LRFN5: variants seen among roughly 807,000 people sequenced by gnomAD.
LRFN5 encodes the protein leucine-rich repeat and fibronectin type-III domain-containing protein 5.
Under a neutral mutation model 45.6 loss-of-function variants are expected in LRFN5, and 24 were observed. The observed-to-expected ratio is 0.53, with a 90% CI of 0.38 to 0.74. The LOEUF is 0.74. Among genes scored for constraint, LRFN5 ranks in the 30% least tolerant of loss-of-function variants. The probability of loss-of-function intolerance (pLI) is 0.00; values close to 1 mark genes in which losing one functional copy is unlikely to be tolerated. For missense variants in LRFN5, 776 were observed against 861.5 expected, an observed-to-expected ratio of 0.90 and a Z score of 1.24; for synonymous variants, 340 against 313.8, an observed-to-expected ratio of 1.08 and a Z score of -0.88.
At chr14:41,791,856 A>G (rs1441669850) in intron 2 of LRFN5, among the ~76,000 whole-genome samples, 1 of 152,132 alleles carries the variant, frequency 6.6e-6, no homozygotes, top group Non-Finnish European at 1.5e-5. Flanking sequence ...GAATGTCACT[A>G]TGAACTAAGA....
At chr14:41,658,815 A>T (rs1335513789) in intron 1 of LRFN5, among the ~76,000 whole-genome samples, 1 of 151,954 alleles carries the variant, frequency 6.6e-6, no homozygotes, top group Non-Finnish European at 1.5e-5. Context: ...ATATATTTTA[A>T]TATGTGTAAT....
At chr14:41,656,110 C>A (rs1880367800) in intron 1 of LRFN5, among the ~76,000 whole-genome samples, 1 of 151,862 alleles carries the variant, frequency 6.6e-6, no homozygotes. Context: ...AGTGCCATTG[C>A]CTTGGACTGA....
At chr14:41,618,217 T>C (rs956136885) in intron 1 of LRFN5, among the ~76,000 whole-genome samples, 4 of 152,224 alleles carry the variant, frequency 2.6e-5, no homozygotes, top group Non-Finnish European at 5.9e-5. Context: ...TTTTCCTATC[T>C]GTAAGCTACG....
At chr14:41,809,697 A>T (rs1371982712) in intron 2 of LRFN5, among the ~76,000 whole-genome samples, 2 of 151,492 alleles carry the variant, frequency 1.3e-5, no homozygotes, top group African/African-American at 4.8e-5. Flanking sequence ...TATATTTAAT[A>T]TTTATTCTTT....
At chr14:41,768,135 G>T (rs1434755121) in intron 2 of LRFN5, among the ~76,000 whole-genome samples, 2 of 151,952 alleles carry the variant, frequency 1.3e-5, no homozygotes, top group African/African-American at 4.8e-5. Flanking sequence ...CTTTTATTTT[G>T]CGACATATTA....
chr14:41,872,071 A>G (rs181584899), intron 2 of LRFN5, among the ~76,000 whole-genome samples: 1 of 152,336 alleles, frequency 6.6e-6, no homozygotes, highest in East Asian at 1.9e-4. Flanking sequence ...TGCTTCAGAG[A>G]CTGAATGAAC....
At chr14:41,901,744 G>C (rs536397493) in intron 5 of LRFN5, among the ~76,000 whole-genome samples, 2 of 152,078 alleles carry the variant, frequency 1.3e-5, no homozygotes, top group South Asian at 4.1e-4. Context: ...AAGAGCCAAA[G>C]AGAAAAGCAA....
intron 2 of LRFN5, among the ~76,000 whole-genome samples, chr14:41,779,563 C>T (rs1013999320): frequency 6.6e-6 from 1 of 151,824 alleles, no homozygotes; most frequent in African/African-American, 2.4e-5. Context: ...TTTCCCCTTA[C>T]GTGTTTTGTA....
At chr14:41,889,000 C>CAT (rs1165571599) in intron 3 of LRFN5, among the ~76,000 whole-genome samples, 2 of 88,972 alleles carry the variant, frequency 2.2e-5, no homozygotes, top group Non-Finnish European at 5.3e-5. Context: ...TGTATGTATA[C>CAT]ACATATATAT....
intron 1 of LRFN5, among the ~76,000 whole-genome samples, chr14:41,696,858 G>A (rs960992545): frequency 6.6e-6 from 1 of 151,848 alleles, no homozygotes; most frequent in African/African-American, 2.4e-5. Context: ...TAGGCCATTT[G>A]TATGTGAAAT....
chr14:41,881,779 T>G (rs1322440047), intron 2 of LRFN5, among the ~76,000 whole-genome samples: 1 of 152,204 alleles, frequency 6.6e-6, no homozygotes, highest in Non-Finnish European at 1.5e-5. Context: ...TGCCCAATCT[T>G]CTGTTACAAA....
intron 3 of LRFN5, among the ~76,000 whole-genome samples, chr14:41,890,567 C>T (rs1399358284): frequency 6.6e-6 from 1 of 151,742 alleles, no homozygotes; most frequent in South Asian, 2.1e-4. Flanking sequence ...ATTAGCCGGG[C>T]GTGGTGGCGG....
intron 1 of LRFN5, among the ~76,000 whole-genome samples, chr14:41,738,931 A>T (rs188015928): frequency 6.6e-6 from 1 of 152,364 alleles, no homozygotes; most frequent in African/African-American, 2.4e-5. Context: ...AGAACAGTTC[A>T]TCTAACAGCA....
At chr14:41,718,889 G>A (rs1044373019) in intron 1 of LRFN5, among the ~76,000 whole-genome samples, 5 of 139,146 alleles carry the variant, frequency 3.6e-5, no homozygotes, top group Non-Finnish European at 7.6e-5. Context: ...TTCATAGTTA[G>A]AAAGAGGCAT....
chr14:41,618,448 A>C (rs1887995455), intron 1 of LRFN5, among the ~76,000 whole-genome samples: 1 of 152,210 alleles, frequency 6.6e-6, no homozygotes, highest in Non-Finnish European at 1.5e-5. Context: ...TTATGTGAAG[A>C]AACATGGATT....
At chr14:41,821,888 G>A (rs972525720) in intron 2 of LRFN5, among the ~76,000 whole-genome samples, 2 of 151,744 alleles carry the variant, frequency 1.3e-5, no homozygotes, top group African/African-American at 4.8e-5. Flanking sequence ...TTCAGTCCTG[G>A]GAGGTTGGAT....
intron 2 of LRFN5, among the ~76,000 whole-genome samples, chr14:41,833,380 A>T (rs774679429): frequency 6.6e-6 from 1 of 152,208 alleles, no homozygotes; most frequent in Non-Finnish European, 1.5e-5. Context: ...AGGTCTAGCC[A>T]CATCCGCCTT....
At chr14:41,651,765 T>G (rs1463809264) in intron 1 of LRFN5, among the ~76,000 whole-genome samples, 2 of 152,196 alleles carry the variant, frequency 1.3e-5, no homozygotes, top group Non-Finnish European at 2.9e-5. Context: ...TTGCCAGAGC[T>G]ACGAAGCTTA....
chr14:41,779,396 T>C (rs1886404724), intron 2 of LRFN5, among the ~76,000 whole-genome samples: 1 of 151,894 alleles, frequency 6.6e-6, no homozygotes, highest in Non-Finnish European at 1.5e-5. Flanking sequence ...TAGAAATTTT[T>C]GGATCTATGT....
Sources: gnomAD v4.1 joint callset for allele counts (sites outside exome capture counted in the v4.1 genomes callset) on GRCh38, gnomAD v4.1.1 for gene constraint, MANE v1.5 for transcripts, NCBI Gene and HGNC (gene_info 2026-07-23, HGNC 2026-07-21) for gene names.